Variants in TENM4 observed in about 807,000 individuals in gnomAD.
TENM4 encodes the protein teneurin-4.
Under a neutral mutation model 243.3 loss-of-function variants are expected in TENM4, and 82 were observed. The observed-to-expected ratio is 0.34, with a 90% confidence interval of 0.28 to 0.40. The LOEUF is 0.40. TENM4 is among the 10% of genes least tolerant of loss of function. The pLI, the probability that TENM4 is intolerant of heterozygous loss-of-function variation, is 1.00. For synonymous variants in TENM4, 1,412 were observed against 1,456.3 expected, an observed-to-expected ratio of 0.97 and a Z score of 0.69; for missense variants, 3,138 against 3,673.3, an observed-to-expected ratio of 0.85 and a Z score of 3.77.
intron 6 of TENM4, among the ~76,000 whole-genome samples, chr11:79,052,392 C>T (rs1836641): frequency 0.73 from 110,767 of 152,082 alleles, 46,621 homozygotes; most frequent in Non-Finnish European, 0.97. Context: ...AGCTTTCTTT[C>T]GTATGTTTGT....
intron 12 of TENM4, among the ~76,000 whole-genome samples, chr11:78,850,804 C>T (rs770427276): frequency 1.4e-4 from 21 of 152,076 alleles, no homozygotes; most frequent in Non-Finnish European, 2.5e-4. Flanking sequence ...TTAATTTTCA[C>T]GATGGGGATT....
intron 1 of TENM4, among the ~76,000 whole-genome samples, chr11:79,351,945 G>A (rs1857421615): frequency 6.6e-6 from 1 of 152,116 alleles, no homozygotes; most frequent in Non-Finnish European, 1.5e-5. Flanking sequence ...GAAACTGGGA[G>A]TCACTTCTAG....
intron 3 of TENM4, among the ~76,000 whole-genome samples, chr11:79,158,780 G>A (rs1232538605): frequency 2.0e-5 from 3 of 152,162 alleles, no homozygotes; most frequent in African/African-American, 7.2e-5. Flanking sequence ...GGATCATACA[G>A]GCAGGAGAGA....
intron 6 of TENM4, among the ~76,000 whole-genome samples, chr11:79,025,902 A>G (rs1363662243): frequency 3.3e-5 from 5 of 152,188 alleles, no homozygotes; most frequent in Non-Finnish European, 7.3e-5. Context: ...TCCGGGACAC[A>G]TGCACTCTGC....
At chr11:78,900,022 T>C (rs1329749657) in intron 7 of TENM4, among the ~76,000 whole-genome samples, 6 of 152,196 alleles carry the variant, frequency 3.9e-5, no homozygotes, top group Non-Finnish European at 8.8e-5. Flanking sequence ...ATGTCAATTA[T>C]GTTAGTGAAG....
chr11:79,260,839 A>G (rs1340327510), intron 2 of TENM4, among the ~76,000 whole-genome samples: 4 of 152,068 alleles, frequency 2.6e-5, no homozygotes, highest in African/African-American at 9.7e-5. Context: ...TGGGGATCCA[A>G]CCCCAGATAA....
intron 6 of TENM4, among the ~76,000 whole-genome samples, chr11:78,917,153 G>T (rs188362607): frequency 1.7e-3 from 262 of 152,312 alleles, no homozygotes; most frequent in Admixed American, 4.2e-3. Context: ...TAAGATATGG[G>T]TGTTATTATC....
At chr11:79,308,358 TC>T (rs780547001) in intron 1 of TENM4, among the ~76,000 whole-genome samples, 3 of 152,238 alleles carry the variant, frequency 2.0e-5, no homozygotes, top group Non-Finnish European at 2.9e-5. Flanking sequence ...AGATTTTTCT[TC>T]CTTTTTTTTC....
intron 3 of TENM4, among the ~76,000 whole-genome samples, chr11:79,185,676 C>T (rs555906338): frequency 2.0e-5 from 3 of 152,284 alleles, no homozygotes; most frequent in South Asian, 2.1e-4. Context: ...AATCATTGCC[C>T]AAGTTTGGAG....
At chr11:79,163,937 ATATC>A (rs1361284490) in intron 3 of TENM4, among the ~76,000 whole-genome samples, 1 of 141,716 alleles carries the variant, frequency 7.1e-6, no homozygotes, top group Non-Finnish European at 1.5e-5. Flanking sequence ...TATATCATAT[ATATC>A]TATATAGTAC....
intron 6 of TENM4, among the ~76,000 whole-genome samples, chr11:79,054,300 T>C (rs1189947488): frequency 6.6e-6 from 1 of 152,140 alleles, no homozygotes; most frequent in East Asian, 1.9e-4. Flanking sequence ...AAGCCTCTGA[T>C]CCCGGAGTCA....
chr11:79,413,304 C>A (rs532591391), intron 1 of TENM4, among the ~76,000 whole-genome samples: 1 of 152,338 alleles, frequency 6.6e-6, no homozygotes, highest in South Asian at 2.1e-4. Flanking sequence ...GGCTGCGCAC[C>A]ACTCCTTTGG....
At chr11:79,408,380 C>T (rs1021498858) in intron 1 of TENM4, among the ~76,000 whole-genome samples, 21 of 152,176 alleles carry the variant, frequency 1.4e-4, no homozygotes, top group Admixed American at 1.1e-3. Context: ...GTTATGAGTT[C>T]GTGGGCTTTA....
chr11:78,695,755 G>A (rs1015968825), intron 28 of TENM4, among the ~76,000 whole-genome samples: 2 of 145,000 alleles, frequency 1.4e-5, no homozygotes, highest in Admixed American at 6.9e-5. Context: ...TCTTACCTTT[G>A]TTCCTCTTAT....
chr11:78,824,503 CT>C (rs35834549), intron 12 of TENM4, among the ~76,000 whole-genome samples: 194 of 136,950 alleles, frequency 1.4e-3, no homozygotes, highest in Admixed American at 2.0e-3. Context: ...TTCTTTCTTT[CT>C]TTTTTTTTTT....
At chr11:79,256,698 C>A (rs749945603) in intron 2 of TENM4, among the ~76,000 whole-genome samples, 4 of 152,154 alleles carry the variant, frequency 2.6e-5, no homozygotes, top group Non-Finnish European at 5.9e-5. Flanking sequence ...ATGACTTTGT[C>A]TCTTGGATTT....
intron 9 of TENM4, among the ~76,000 whole-genome samples, chr11:78,878,399 G>A (rs1859327831): frequency 6.6e-6 from 1 of 152,150 alleles, no homozygotes; most frequent in Non-Finnish European, 1.5e-5. Flanking sequence ...AGCAGCAATT[G>A]TGAGGAGCAC....
At chr11:79,304,871 A>C (rs1025561960) in intron 1 of TENM4, among the ~76,000 whole-genome samples, 2 of 152,240 alleles carry the variant, frequency 1.3e-5, no homozygotes, top group Non-Finnish European at 2.9e-5. Flanking sequence ...GTTGTGCAGC[A>C]GAAATAACAG....
chr11:78,735,877 C>T (rs1263953916), intron 20 of TENM4, among the ~76,000 whole-genome samples: 2 of 119,230 alleles, frequency 1.7e-5, no homozygotes, highest in Non-Finnish European at 3.4e-5. Flanking sequence ...TTCTTTTCTT[C>T]CTTTCCCCCT....
Sources: allele counts gnomAD v4.1 joint callset (sites outside exome capture counted in the v4.1 genomes callset), GRCh38; gene constraint gnomAD v4.1.1; transcripts MANE v1.5; gene names NCBI Gene and HGNC (gene_info 2026-07-23, HGNC 2026-07-21).